The following SYT1 variants were observed in gnomAD, a reference collection of about 807,000 sequenced individuals.
SYT1 encodes the protein synaptotagmin 1.
SYT1 carries 8 observed loss-of-function variants against 44.8 expected under a neutral mutation model. The observed-to-expected ratio is 0.18, with a 90% CI of 0.10 to 0.32. The LOEUF is 0.32. Among genes scored for constraint, SYT1 ranks in the 10% least tolerant of loss-of-function variants. The probability of loss-of-function intolerance (pLI) is 1.00; values close to 1 mark genes in which losing one functional copy is unlikely to be tolerated. For synonymous variants in SYT1, 154 were observed against 188.8 expected, an observed-to-expected ratio of 0.82 and a Z score of 1.51; for missense variants, 286 against 509.3, an observed-to-expected ratio of 0.56 and a Z score of 4.22.
chr12:79,045,760 G>A (rs1874000823), intron 2 of SYT1: 1 of 152,228 alleles, frequency 6.6e-6, no homozygotes, highest in Admixed American at 6.5e-5. Context: ...AATCCCCACA[G>A]ATGGCTCGTA....
intron 3 of SYT1, among the ~76,000 whole-genome samples, chr12:79,064,953 AAAGAAAGAAAG>A (rs1875686831): frequency 6.8e-6 from 1 of 147,222 alleles, no homozygotes; most frequent in African/African-American, 2.6e-5. Context: ...AGAAAGAAAG[AAAGAAAGAAAG>A]AAAGAAAGAA....
intron 2 of SYT1, among the ~76,000 whole-genome samples, chr12:79,025,556 C>T (rs1172354120): frequency 2.0e-5 from 3 of 151,418 alleles, no homozygotes; most frequent in African/African-American, 4.8e-5. Context: ...GGCTATTATA[C>T]GTTGTAGAAT....
At chr12:79,125,624 A>G (rs971289306) in intron 3 of SYT1, among the ~76,000 whole-genome samples, 9 of 119,308 alleles carry the variant, frequency 7.5e-5, no homozygotes, top group Non-Finnish European at 5.7e-5. Flanking sequence ...TGTCAAAAAA[A>G]AAAAGAAAAA....
intron 2 of SYT1, among the ~76,000 whole-genome samples, chr12:78,993,965 A>AT (rs1870190876): frequency 1.3e-5 from 2 of 152,228 alleles, no homozygotes; most frequent in South Asian, 4.1e-4. Context: ...ATTATGAAAC[A>AT]TTTTTTCTGA....
chr12:79,433,263 A>G (rs1227957464), intron 9 of SYT1, among the ~76,000 whole-genome samples: 1 of 152,230 alleles, frequency 6.6e-6, no homozygotes, highest in Non-Finnish European at 1.5e-5. Flanking sequence ...TGAGTAAGCC[A>G]CTGAAGACCA....
chr12:78,972,600 C>A (rs911650042), intron 1 of SYT1, among the ~76,000 whole-genome samples: 1 of 151,058 alleles, frequency 6.6e-6, no homozygotes, highest in East Asian at 1.9e-4. Flanking sequence ...TGTATTAAAC[C>A]AATTTATATC....
chr12:79,378,446 C>T (rs970514763), intron 9 of SYT1, among the ~76,000 whole-genome samples: 6 of 152,164 alleles, frequency 3.9e-5, no homozygotes, highest in Admixed American at 6.5e-5. Context: ...GGCTAGATTA[C>T]GTAGCCCATG....
intron 3 of SYT1, among the ~76,000 whole-genome samples, chr12:79,059,706 C>T (rs948041408): frequency 6.6e-6 from 1 of 152,140 alleles, no homozygotes; most frequent in East Asian, 1.9e-4. Context: ...CCAGGCCAGA[C>T]CTTTGTAACC....
chr12:79,417,465 T>A (rs914029730), intron 9 of SYT1, among the ~76,000 whole-genome samples: 1 of 152,148 alleles, frequency 6.6e-6, no homozygotes, highest in Non-Finnish European at 1.5e-5. Flanking sequence ...GACAACAGCC[T>A]CTCAAAGCCC....
chr12:79,099,220 A>G (rs551582081), intron 3 of SYT1, among the ~76,000 whole-genome samples: 132 of 152,256 alleles, frequency 8.7e-4, no homozygotes, highest in African/African-American at 3.2e-3. Flanking sequence ...CCCTGATGTC[A>G]CTAAATACTC....
chr12:79,179,528 T>TATAG (rs1252850741), intron 3 of SYT1, among the ~76,000 whole-genome samples: 24 of 140,408 alleles, frequency 1.7e-4, no homozygotes, highest in Non-Finnish European at 2.6e-4. Flanking sequence ...TCTATATAGA[T>TATAG]ATAGATATAG....
chr12:79,425,104 TCCA>T (rs948281965), intron 9 of SYT1, among the ~76,000 whole-genome samples: 1 of 152,030 alleles, frequency 6.6e-6, no homozygotes, highest in Non-Finnish European at 1.5e-5. Context: ...ATATTTTCCT[TCCA>T]GTCTATGAAG....
intron 4 of SYT1, among the ~76,000 whole-genome samples, chr12:79,275,084 C>T (rs1042777079): frequency 2.0e-5 from 3 of 152,028 alleles, no homozygotes; most frequent in African/African-American, 7.2e-5. Flanking sequence ...GACTGCCACT[C>T]CTAGGGGAAA....
chr12:79,020,604 C>T (rs1355572131), intron 2 of SYT1, among the ~76,000 whole-genome samples: 1 of 151,884 alleles, frequency 6.6e-6, no homozygotes, highest in Non-Finnish European at 1.5e-5. Context: ...ATGCACCAGG[C>T]ATTCCTTTCT....
At chr12:79,022,718 C>T (rs1872277534) in intron 2 of SYT1, among the ~76,000 whole-genome samples, 1 of 151,028 alleles carries the variant, frequency 6.6e-6, no homozygotes, top group African/African-American at 2.4e-5. Flanking sequence ...GGTTATATGT[C>T]TGTAGATGCA....
intron 1 of SYT1, among the ~76,000 whole-genome samples, chr12:78,948,365 T>C (rs973360290): frequency 9.2e-5 from 14 of 152,038 alleles, no homozygotes; most frequent in African/African-American, 3.4e-4. Context: ...TACTGCCTTT[T>C]AAATTTGTAT....
chr12:79,248,039 G>C (rs1012197726), intron 4 of SYT1, among the ~76,000 whole-genome samples: 2 of 152,176 alleles, frequency 1.3e-5, no homozygotes, highest in African/African-American at 4.8e-5. Context: ...AAATTTTAAA[G>C]TTAACTTACA....
chr12:79,343,250 T>A (rs1304009925), intron 8 of SYT1, among the ~76,000 whole-genome samples: 2 of 152,038 alleles, frequency 1.3e-5, no homozygotes, highest in East Asian at 3.9e-4. Flanking sequence ...CATGAAAAAA[T>A]GGGGACAGTG....
At chr12:79,295,775 C>T (rs1402516459) in intron 6 of SYT1, among the ~76,000 whole-genome samples, 1 of 152,152 alleles carries the variant, frequency 6.6e-6, no homozygotes, top group Non-Finnish European at 1.5e-5. Context: ...TATTTGATTA[C>T]AACTCTTTTG....
Sources: gnomAD v4.1 joint callset for allele counts (sites outside exome capture counted in the v4.1 genomes callset) on GRCh38, gnomAD v4.1.1 for gene constraint, MANE v1.5 for transcripts, NCBI Gene and HGNC (gene_info 2026-07-23, HGNC 2026-07-21) for gene names.